Variants in PHF10 observed in about 807,000 individuals in gnomAD.
PHF10 encodes PHD finger protein 10.
PHF10 carries 51 observed loss-of-function variants against 68.5 expected under a neutral mutation model. The ratio of observed to expected loss-of-function variants is 0.74; its 90% CI spans 0.59 to 0.94. The LOEUF (loss-of-function observed/expected upper bound fraction) is 0.94, where lower values mean the gene tolerates loss of function less well. PHF10 is among the 40% of genes least tolerant of loss of function. The pLI is 0.00. For synonymous variants in PHF10, 204 were observed against 203.5 expected (o/e 1.00, Z -0.02); for missense variants, 460 against 602.6 (o/e 0.76, Z 2.48).
In PHF10 at chr6:169,724,238, G is replaced by A. The variant is rs1454823213; in HGVS notation, c.-307C>T. On this transcript the variant is annotated 5_prime_UTR_variant, in exon 1 of 12. Transcript: ENST00000339209. ...AGCGGCGGCGGCGCTTCTCACGTCA[G>A]CCCAACCCGCCCGGCCGCGGCCACC... Among the ~76,000 whole-genome samples the A allele has an allele frequency of 6.9e-6, 1 of 145,574 alleles. No individual in the cohort carries two copies. Among genetic ancestry groups the A allele is most frequent in the Admixed American group, 6.8e-5 (1 of 14,756 alleles).
At chr6:169,711,447 C>A (rs1357406429) in intron 8 of PHF10, among the ~76,000 whole-genome samples, 1 of 152,072 alleles carries the variant, frequency 6.6e-6, no homozygotes, top group Non-Finnish European at 1.5e-5. Context: ...CTGATTAAAT[C>A]CTTAGGATAA....
chr6:169,716,493 T>C (rs536788199), intron 4 of PHF10, among the ~76,000 whole-genome samples: 1 of 151,540 alleles, frequency 6.6e-6, no homozygotes, highest in Admixed American at 6.6e-5. Context: ...ACAAGAAATA[T>C]TACAATCAAT....
intron 1 of PHF10, among the ~76,000 whole-genome samples, chr6:169,723,211 TTC>T (rs1158059200): frequency 6.6e-6 from 1 of 152,190 alleles, no homozygotes; most frequent in African/African-American, 2.4e-5. Flanking sequence ...CCTTCCAACT[TTC>T]TGTCACAAAC....
intron 2 of PHF10, 137 bp downstream of exon 2, chr6:169,720,868 G>T: frequency 1.8e-6 from 1 of 556,884 alleles, no homozygotes; most frequent in South Asian, 2.9e-5. Context: ...CAACTTTGAT[G>T]GCACATTATA....
intron 4 of PHF10, among the ~76,000 whole-genome samples, chr6:169,717,247 T>C (rs1321784054): frequency 6.6e-6 from 1 of 152,084 alleles, no homozygotes; most frequent in Non-Finnish European, 1.5e-5. Flanking sequence ...AGACTCTGTG[T>C]TAAAAAAAAG....
chr6:169,704,933 G>C (rs900863037), intron 11 of PHF10, 200 bp downstream of exon 11: 1 of 424,042 alleles, frequency 2.4e-6, no homozygotes, highest in African/African-American at 2.0e-5. Flanking sequence ...GGGGCATTCT[G>C]GCCTTTCACT....
At chr6:169,707,185 C>G (rs1441477081) in intron 9 of PHF10, 2 of 151,634 alleles carry the variant, frequency 1.3e-5, no homozygotes, top group Non-Finnish European at 2.9e-5. Flanking sequence ...AAACTAATCT[C>G]CTGTATGTAT....
At chr6:169,722,138 G>A (rs6931721) in intron 1 of PHF10, among the ~76,000 whole-genome samples, 139,785 of 152,312 alleles carry the variant, frequency 0.92, 64,217 homozygotes, top group East Asian at 1. Context: ...AACAAGGACT[G>A]GCGAGTTATC....
chr6:169,712,946 A>G (rs1467135497), intron 7 of PHF10, among the ~76,000 whole-genome samples: 7 of 152,216 alleles, frequency 4.6e-5, no homozygotes, highest in Admixed American at 3.9e-4. Flanking sequence ...CATACAGTTG[A>G]TATATATGCA....
chr6:169,718,263 T>C (rs927500233), intron 3 of PHF10, among the ~76,000 whole-genome samples: 10 of 152,198 alleles, frequency 6.6e-5, no homozygotes, highest in African/African-American at 1.7e-4. Flanking sequence ...AAATGATTTT[T>C]TCTAAAATTT....
chr6:169,710,351 G>A lies in PHF10; in HGVS notation c.998C>T (p.Pro333Leu). ...CTGGAAAGAGTCCTCCTGGCTGTCA[G>A]GAGGGCTTTCCCCTTCAGATACATT... The part of the protein sequence containing the change: ...SGNVSEGESP[P>L]DSQEDSFQGR... Residue 333 changes from proline to leucine, a missense_variant, in exon 9 of 12, where the codon CCT becomes CTT. Pro to Leu is a moderately conservative substitution (Grantham distance 98). Coordinates refer to ENST00000339209, the MANE Select transcript of PHF10 (RefSeq NM_018288.4). 1 of 1,612,120 alleles carries A rather than the reference G, an allele frequency of 6.2e-7. No homozygotes were observed. The highest frequency in any genetic ancestry group is 8.5e-7 in the Non-Finnish European group (1 of 1,178,240).
At chr6:169,713,462 A>T (rs1788972027) in intron 7 of PHF10, among the ~76,000 whole-genome samples, 1 of 151,954 alleles carries the variant, frequency 6.6e-6, no homozygotes, top group African/African-American at 2.4e-5. Flanking sequence ...TAGCTGGGCA[A>T]GGTGGCGGGC....
chr6:169,707,036 G>T (rs1244720579), intron 9 of PHF10: 3 of 152,014 alleles, frequency 2.0e-5, no homozygotes, highest in Non-Finnish European at 2.9e-5. Flanking sequence ...CATTCAAAAA[G>T]AATTTTTGGC....
In PHF10 at chr6:169,714,758, CG is replaced by C; in HGVS notation, c.777del (p.Gly260AspfsTer20). 1 of 1,581,652 alleles carries C rather than the reference CG, an allele frequency of 6.3e-7. No individual in the cohort carries two copies. ...CTCTTATAATATTCCTGGAACTGTC[CG>C]GGGATGAGAGCCACTGGGTAAGAAC... is the stretch of plus-strand genomic sequence containing the variant. ...KVSSYPVALI[P>X]GQFQEYYKRY... is the part of the protein sequence containing the mutation. On this transcript the variant is annotated frameshift_variant, in exon 7 of 12. Coordinates refer to ENST00000339209, the MANE Select transcript of PHF10 (RefSeq NM_018288.4). LOFTEE classifies it high-confidence loss of function.
intron 3 of PHF10, among the ~76,000 whole-genome samples, chr6:169,718,314 G>A (rs1427980138): frequency 6.6e-6 from 1 of 151,962 alleles, no homozygotes; most frequent in Non-Finnish European, 1.5e-5. Context: ...TTTTAAATCA[G>A]TTTATGAGCC....
rs527510311 is a variant in PHF10 at position 169,706,838 on chromosome 6, C to T, written c.1114-1114G>A. Among the ~76,000 whole-genome samples, 28 of 151,230 alleles carry T rather than the reference C, an allele frequency of 1.9e-4. 1 individual carries two copies. The South Asian group carries it at 4.6e-3, about 25-fold the overall frequency. On this transcript the variant is annotated intron_variant, in intron 9 of 11. Transcript: ENST00000339209. ...GAATTGTTTCATTTCTGCTTTATTC[C>T]CACCCTGCCAAATGCATCCCTTTCC...
chr6:169,717,464 T>C (rs2128330773), intron 4 of PHF10, among the ~76,000 whole-genome samples: 1 of 152,314 alleles, frequency 6.6e-6, no homozygotes, highest in Non-Finnish European at 1.5e-5. Context: ...CTGGGCAAAA[T>C]CAGCTAACAC....
intron 11 of PHF10, 95 bp downstream of exon 11, chr6:169,705,038 G>A: frequency 5.7e-6 from 5 of 871,060 alleles, no homozygotes; most frequent in Non-Finnish European, 8.8e-6. Flanking sequence ...GAGTCCACAA[G>A]CTCTTCATGT....
At position 169,718,822 on chromosome 6, in the gene PHF10, A is replaced by G. The variant is rs1297939913; in HGVS notation, c.291T>C (p.Tyr97=). 1 of 1,590,544 alleles carries G rather than the reference A, an allele frequency of 6.3e-7. No individual in the cohort carries two copies. The highest frequency in any genetic ancestry group is 8.6e-7 in the Non-Finnish European group (1 of 1,160,964). ...YYMLQEQVSE[Y]LGVTSFKRKY... ...TCCTTTTAAAGGAGGTCACACCCAA[A>G]TATTCACTGACTTGTTCTTGAAGCA... is the stretch of plus-strand genomic sequence containing the variant. Residue 97 remains tyrosine (Y), a synonymous_variant, in exon 3 of 12, where the codon TAT becomes TAC. Coordinates refer to ENST00000339209, the MANE Select transcript of PHF10 (RefSeq NM_018288.4).
Sources: allele counts gnomAD v4.1 joint callset (sites outside exome capture counted in the v4.1 genomes callset), GRCh38; gene constraint gnomAD v4.1.1; transcripts MANE v1.5; gene names NCBI Gene and HGNC (gene_info 2026-07-23, HGNC 2026-07-21).